The following PLD5 variants were observed in gnomAD, a reference collection of about 807,000 sequenced individuals.
PLD5 encodes inactive phospholipase D5.
Under a neutral mutation model 61.1 loss-of-function variants are expected in PLD5, and 36 were observed. That is an observed-to-expected ratio of 0.59 (90% confidence interval 0.45 to 0.78). The LOEUF (loss-of-function observed/expected upper bound fraction) is 0.78, where lower values mean the gene tolerates loss of function less well. PLD5 is among the 30% of genes least tolerant of loss of function. The pLI is 0.00. For synonymous variants in PLD5, 243 were observed against 242.8 expected (o/e 1.00, Z -0.01); for missense variants, 515 against 644.4 (o/e 0.80, Z 2.17).
At chr1:242,395,061 GTA>G (rs10550693) in intron 1 of PLD5, among the ~76,000 whole-genome samples, 27,672 of 82,546 alleles carry the variant, frequency 0.34, 5,033 homozygotes, top group African/African-American at 0.48. Flanking sequence ...GAATATATAT[GTA>G]TATATATGAA....
intron 5 of PLD5, among the ~76,000 whole-genome samples, chr1:242,163,310 A>G (rs1018581548): frequency 2.0e-5 from 3 of 151,608 alleles, no homozygotes; most frequent in Admixed American, 6.6e-5. Context: ...CGCCCGGCTA[A>G]TTTTTTGTAT....
intron 2 of PLD5, among the ~76,000 whole-genome samples, chr1:242,346,049 T>A (rs2342261): frequency 0.99 from 104,701 of 105,574 alleles, 51,952 homozygotes; most frequent in South Asian, 1. Context: ...ATATCATATT[T>A]ATATCACATA....
intron 5 of PLD5, among the ~76,000 whole-genome samples, chr1:242,158,349 C>T (rs570991098): frequency 1.0e-3 from 157 of 152,240 alleles, no homozygotes; most frequent in African/African-American, 3.6e-3. Flanking sequence ...CCAGGCACCA[C>T]TGGGGTATAG....
intron 1 of PLD5, among the ~76,000 whole-genome samples, chr1:242,427,757 G>T (rs1230045602): frequency 1.2e-4 from 18 of 152,174 alleles, no homozygotes; most frequent in Admixed American, 1.1e-3. Context: ...ACAGCAGAGA[G>T]CCTTTGAAAG....
chr1:242,360,993 C>G (rs185882309), intron 1 of PLD5, among the ~76,000 whole-genome samples: 1 of 152,028 alleles, frequency 6.6e-6, no homozygotes, highest in African/African-American at 2.4e-5. Flanking sequence ...AAATACCATA[C>G]CAGGTACATA....
At chr1:242,343,512 T>C (rs1157724381) in intron 2 of PLD5, among the ~76,000 whole-genome samples, 1 of 151,394 alleles carries the variant, frequency 6.6e-6, no homozygotes, top group African/African-American at 2.4e-5. Flanking sequence ...ACTGGCATGC[T>C]CGAGCTTCTG....
chr1:242,123,581 C>A (rs936212783), intron 6 of PLD5, among the ~76,000 whole-genome samples: 1 of 152,158 alleles, frequency 6.6e-6, no homozygotes, highest in African/African-American at 2.4e-5. Context: ...ACTTGCACAG[C>A]TCTGAGATGT....
At chr1:242,154,538 A>G in intron 5 of PLD5, among the ~76,000 whole-genome samples, 1 of 152,114 alleles carries the variant, frequency 6.6e-6, no homozygotes, top group East Asian at 1.9e-4. Flanking sequence ...GTTTATTAAC[A>G]GTTTTTTAGC....
At chr1:242,414,541 G>A (rs1664720853) in intron 1 of PLD5, among the ~76,000 whole-genome samples, 2 of 152,100 alleles carry the variant, frequency 1.3e-5, no homozygotes, top group African/African-American at 4.8e-5. Context: ...TTGAGGGAAA[G>A]GAAAGATTAG....
At chr1:242,349,481 T>A (rs187305322) in intron 1 of PLD5, among the ~76,000 whole-genome samples, 40 of 152,306 alleles carry the variant, frequency 2.6e-4, no homozygotes, top group Non-Finnish European at 4.4e-5. Flanking sequence ...ATGGGTTGTT[T>A]CGAATTTTAT....
At chr1:242,273,764 T>C (rs188959124) in intron 3 of PLD5, among the ~76,000 whole-genome samples, 4 of 152,300 alleles carry the variant, frequency 2.6e-5, no homozygotes, top group African/African-American at 9.6e-5. Context: ...TTATAAGAGA[T>C]GGGCAAAAGG....
At chr1:242,309,088 C>T (rs1425538874) in intron 2 of PLD5, among the ~76,000 whole-genome samples, 1 of 152,020 alleles carries the variant, frequency 6.6e-6, no homozygotes, top group Non-Finnish European at 1.5e-5. Context: ...AGGGGAAGAT[C>T]ATATTTAACA....
chr1:242,165,429 T>A (rs1479558504), intron 5 of PLD5, among the ~76,000 whole-genome samples: 6 of 143,148 alleles, frequency 4.2e-5, no homozygotes, highest in Non-Finnish European at 4.5e-5. Flanking sequence ...GTCTGATAAA[T>A]AGGTTGTGTG....
At chr1:242,214,051 C>T (rs1669990857) in intron 5 of PLD5, among the ~76,000 whole-genome samples, 1 of 152,130 alleles carries the variant, frequency 6.6e-6, no homozygotes, top group Admixed American at 6.5e-5. Flanking sequence ...CTGCAAATAG[C>T]TCTCTCTGAT....
chr1:242,205,877 A>C (rs773269341), intron 5 of PLD5, among the ~76,000 whole-genome samples: 3 of 152,182 alleles, frequency 2.0e-5, no homozygotes, highest in Non-Finnish European at 4.4e-5. Context: ...TTTTAATTGA[A>C]AGAAAAAGGG....
Position 242,089,204 on chromosome 1 carries a change from ATAGT to A in PLD5, c.*646_*649del. 2.5e-6 allele frequency: 1 copy of A among 397,688 alleles called. No individual in the cohort carries two copies. The highest frequency in any genetic ancestry group is 3.6e-5 in the East Asian group (1 of 27,968). 24.6% of individuals were successfully genotyped at this position (397,688 alleles called of 1,614,324 possible). On this transcript the variant is annotated 3_prime_UTR_variant, in exon 10 of 10. Coordinates refer to ENST00000536534, the MANE Select transcript of PLD5 (RefSeq NM_001372062.1). Reference sequence around the variant, plus strand: ...TTGTATGTTTTCAAAAGATGTTATCATAGTTAGAAGTAATGTTGAGGTGAATACA... The same window carrying A: ...TTGTATGTTTTCAAAAGATGTTATCATAGAAGTAATGTTGAGGTGAATACA...
chr1:242,231,073 T>G lies in PLD5; in HGVS notation c.608-10958A>C, dbSNP rs185968684. Reference sequence around the variant, plus strand: ...AAAAATAACATTTACTTGAGTAATATTGCCTCAATTATGCATAAAATTTAA... The same window carrying G: ...AAAAATAACATTTACTTGAGTAATAGTGCCTCAATTATGCATAAAATTTAA... On this transcript the variant is annotated intron_variant, in intron 4 of 9. Coordinates refer to ENST00000536534, the MANE Select transcript of PLD5 (RefSeq NM_001372062.1). 1.6e-4 allele frequency among the ~76,000 whole-genome samples: 25 copies of G among 152,342 alleles called. 1 individual carries two copies. The East Asian group carries it at 4.4e-3, about 27-fold the overall frequency.
intron 1 of PLD5, among the ~76,000 whole-genome samples, chr1:242,480,562 G>A (rs1270390070): frequency 6.6e-6 from 1 of 151,892 alleles, no homozygotes; most frequent in Non-Finnish European, 1.5e-5. Flanking sequence ...AAATAAATAC[G>A]CAAACTACAG....
rs1341192878 is a variant in PLD5 at position 242,520,087 on chromosome 1, T to C, written c.189+4001A>G. Among the ~76,000 whole-genome samples the C allele has an allele frequency of 2.6e-5, 4 of 152,208 alleles. No homozygotes were observed. The East Asian group carries it at 5.8e-4, about 22-fold the overall frequency. On this transcript the variant is annotated intron_variant, in intron 1 of 9. Transcript: ENST00000536534. ...TTAGCTGGATCCCCTTGTGCTACTC[T>C]GGAAGTGAGCCTTGACCATGAACCT...
Sources: allele counts gnomAD v4.1 joint callset (sites outside exome capture counted in the v4.1 genomes callset), GRCh38; gene constraint gnomAD v4.1.1; transcripts MANE v1.5; gene names NCBI Gene and HGNC (gene_info 2026-07-23, HGNC 2026-07-21).